CNTN5: variants seen among roughly 807,000 people sequenced by gnomAD.
The protein encoded by CNTN5 is contactin 5, also known as contactin-5.
A neutral mutation model predicts 129.1 loss-of-function variants in CNTN5; 77 were observed. That is an observed-to-expected ratio of 0.60 (90% confidence interval 0.50 to 0.72). The LOEUF (loss-of-function observed/expected upper bound fraction) is 0.72, where lower values mean the gene tolerates loss of function less well. CNTN5 is among the 30% of genes least tolerant of loss of function. The probability of loss-of-function intolerance (pLI) is 0.00; values close to 1 mark genes in which losing one functional copy is unlikely to be tolerated. For synonymous variants in CNTN5, 509 were observed against 465.6 expected, an observed-to-expected ratio of 1.09 and a Z score of -1.20; for missense variants, 1,478 against 1,328.8, an observed-to-expected ratio of 1.11 and a Z score of -1.75.
chr11:99,214,265 A>G (rs976675051), intron 1 of CNTN5, among the ~76,000 whole-genome samples: 1 of 151,990 alleles, frequency 6.6e-6, no homozygotes, highest in Non-Finnish European at 1.5e-5. Flanking sequence ...CTGATAAAAC[A>G]TGGAATTGAG....
chr11:99,952,645 C>T (rs1414163061), intron 7 of CNTN5, among the ~76,000 whole-genome samples: 2 of 152,130 alleles, frequency 1.3e-5, no homozygotes, highest in Non-Finnish European at 2.9e-5. Flanking sequence ...TACCCTCTCA[C>T]CTCAGCCTCC....
At chr11:99,643,480 C>A (rs1951842554) in intron 3 of CNTN5, among the ~76,000 whole-genome samples, 1 of 151,972 alleles carries the variant, frequency 6.6e-6, no homozygotes, top group Non-Finnish European at 1.5e-5. Flanking sequence ...ATTTTTATAT[C>A]TATAAATAAG....
chr11:100,147,973 A>C (rs1241194920), intron 13 of CNTN5, among the ~76,000 whole-genome samples: 2 of 152,140 alleles, frequency 1.3e-5, no homozygotes, highest in Middle Eastern at 3.2e-3. Context: ...AATATTTTAA[A>C]TTAATTCTCT....
chr11:99,120,643 C>T (rs1348958029), intron 1 of CNTN5, among the ~76,000 whole-genome samples: 1 of 152,134 alleles, frequency 6.6e-6, no homozygotes, highest in Non-Finnish European at 1.5e-5. Flanking sequence ...ATATCTATGT[C>T]CCGTTATCTC....
intron 13 of CNTN5, among the ~76,000 whole-genome samples, chr11:100,185,857 A>T (rs937565282): frequency 2.0e-5 from 3 of 152,104 alleles, no homozygotes; most frequent in Admixed American, 1.3e-4. Flanking sequence ...CCTTACCCAA[A>T]CCCAACCATT....
At chr11:100,322,404 A>G (rs1297120412) in intron 21 of CNTN5, among the ~76,000 whole-genome samples, 1 of 151,940 alleles carries the variant, frequency 6.6e-6, no homozygotes, top group Admixed American at 6.6e-5. Flanking sequence ...TTGTATTTTT[A>G]GTAGAGACAT....
At chr11:99,337,267 C>G (rs1866270949) in intron 2 of CNTN5, among the ~76,000 whole-genome samples, 1 of 152,072 alleles carries the variant, frequency 6.6e-6, no homozygotes, top group Non-Finnish European at 1.5e-5. Context: ...CGGGGAGACC[C>G]TAACCCAGCA....
chr11:99,360,683 A>G (rs1017443484), intron 2 of CNTN5, among the ~76,000 whole-genome samples: 6 of 152,112 alleles, frequency 3.9e-5, no homozygotes, highest in Admixed American at 1.3e-4. Flanking sequence ...ATGCTCTCCA[A>G]AATGCTATTG....
chr11:99,844,142 G>A (rs1374852420), intron 4 of CNTN5, among the ~76,000 whole-genome samples: 2 of 152,120 alleles, frequency 1.3e-5, no homozygotes, highest in Admixed American at 6.5e-5. Context: ...AAATAGAATC[G>A]AGTGTCTGGT....
intron 1 of CNTN5, among the ~76,000 whole-genome samples, chr11:99,255,905 A>G (rs73534978): frequency 0.017 from 2,616 of 152,042 alleles, 87 homozygotes; most frequent in African/African-American, 0.06. Flanking sequence ...TACTTGATAT[A>G]GTTCAGCAAC....
At chr11:99,439,411 C>T (rs1300575347) in intron 2 of CNTN5, among the ~76,000 whole-genome samples, 1 of 151,842 alleles carries the variant, frequency 6.6e-6, no homozygotes, top group Non-Finnish European at 1.5e-5. Flanking sequence ...AAATACTTAG[C>T]ATTTAGAAAT....
intron 3 of CNTN5, among the ~76,000 whole-genome samples, chr11:99,733,270 C>T (rs983878412): frequency 6.1e-5 from 9 of 148,580 alleles, no homozygotes; most frequent in African/African-American, 2.0e-4. Context: ...TGCAGTGAGC[C>T]GAGATCGTGC....
intron 6 of CNTN5, among the ~76,000 whole-genome samples, chr11:99,882,021 A>G (rs1305047284): frequency 6.6e-5 from 10 of 152,200 alleles, no homozygotes; most frequent in Admixed American, 3.3e-4. Flanking sequence ...AAGCTCAGAT[A>G]GTGTAGTTTA....
chr11:99,465,551 C>T (rs1369199507), intron 2 of CNTN5, among the ~76,000 whole-genome samples: 1 of 151,668 alleles, frequency 6.6e-6, no homozygotes, highest in African/African-American at 2.4e-5. Flanking sequence ...CTCTTGTGTT[C>T]AGTGCTACAC....
chr11:100,122,338 T>G (rs1310371814), intron 13 of CNTN5, among the ~76,000 whole-genome samples: 7 of 151,864 alleles, frequency 4.6e-5, no homozygotes, highest in Admixed American at 4.6e-4. Context: ...GAGAGGCCAA[T>G]TCCTCTTGCG....
At chr11:100,042,001 T>C (rs1331573284) in intron 9 of CNTN5, among the ~76,000 whole-genome samples, 1 of 152,146 alleles carries the variant, frequency 6.6e-6, no homozygotes, top group Non-Finnish European at 1.5e-5. Context: ...TAATTTATTA[T>C]CCCTGAAGGC....
In CNTN5 at chr11:100,234,464, G is replaced by A. The variant is rs181720343; in HGVS notation, c.2005+9652G>A. On this transcript the variant is annotated intron_variant, in intron 16 of 24. Transcript: ENST00000524871. ...ATACACCATGGAATACTATACAGCCGTAAAAAAAGATGAGTTCATGTCTTT... is the reference window on the plus strand; with the variant it reads ...ATACACCATGGAATACTATACAGCCATAAAAAAAGATGAGTTCATGTCTTT... Among the ~76,000 whole-genome samples the A allele has an allele frequency of 1.2e-3, 180 of 152,134 alleles. 1 individual carries two copies. Among genetic ancestry groups the A allele is most frequent in the African/African-American group, 3.9e-3 (160 of 41,526 alleles).
At chr11:100,266,494 C>T (rs2138766696) in intron 17 of CNTN5, among the ~76,000 whole-genome samples, 1 of 152,042 alleles carries the variant, frequency 6.6e-6, no homozygotes, top group East Asian at 1.9e-4. Flanking sequence ...AATCAAAACC[C>T]TAATTGTATA....
At chr11:99,984,748 C>G (rs112983260) in intron 8 of CNTN5, among the ~76,000 whole-genome samples, 184 of 152,286 alleles carry the variant, frequency 1.2e-3, no homozygotes, top group Admixed American at 2.5e-3. Flanking sequence ...GCAAGCACTC[C>G]TATTACATGG....
Sources: gnomAD v4.1 joint callset for allele counts (sites outside exome capture counted in the v4.1 genomes callset) on GRCh38, gnomAD v4.1.1 for gene constraint, MANE v1.5 for transcripts, NCBI Gene and HGNC (gene_info 2026-07-23, HGNC 2026-07-21) for gene names.